IGSF21: variants seen among roughly 807,000 people sequenced by gnomAD.
The protein encoded by IGSF21 is immunoglobulin superfamily member 21.
IGSF21 carries 28 observed loss-of-function variants against 46.8 expected under a neutral mutation model. The ratio of observed to expected loss-of-function variants is 0.60; its 90% confidence interval spans 0.44 to 0.82. IGSF21 has a LOEUF of 0.82. IGSF21 is among the 40% of genes least tolerant of loss of function. The probability of loss-of-function intolerance (pLI) is 0.00; values close to 1 mark genes in which losing one functional copy is unlikely to be tolerated. For synonymous variants in IGSF21, 284 were observed against 273.6 expected, an observed-to-expected ratio of 1.04 and a Z score of -0.38; for missense variants, 624 against 665.5, an observed-to-expected ratio of 0.94 and a Z score of 0.69.
chr1:18,303,765 T>C (rs1209490069), intron 3 of IGSF21, among the ~76,000 whole-genome samples: 1 of 152,112 alleles, frequency 6.6e-6, no homozygotes, highest in East Asian at 1.9e-4. Context: ...AGGGCTATGC[T>C]AGCAACACAG....
At chr1:18,348,405 C>T (rs577515083) in intron 4 of IGSF21, among the ~76,000 whole-genome samples, 1 of 152,328 alleles carries the variant, frequency 6.6e-6, no homozygotes, top group South Asian at 2.1e-4. Context: ...CAGCTTCAGC[C>T]TCCCAGGCCC....
chr1:18,212,618 T>C (rs924216829), intron 1 of IGSF21, among the ~76,000 whole-genome samples: 1 of 152,210 alleles, frequency 6.6e-6, no homozygotes, highest in Non-Finnish European at 1.5e-5. Flanking sequence ...CTGCTTTCTT[T>C]TCTTCCTGCC....
At chr1:18,299,304 A>G (rs952226053) in intron 3 of IGSF21, among the ~76,000 whole-genome samples, 1 of 152,270 alleles carries the variant, frequency 6.6e-6, no homozygotes, top group Non-Finnish European at 1.5e-5. Context: ...ATTTTTAAAT[A>G]GGCACATTAA....
chr1:18,257,023 A>G (rs899710636), intron 2 of IGSF21, among the ~76,000 whole-genome samples: 1 of 152,114 alleles, frequency 6.6e-6, no homozygotes, highest in African/African-American at 2.4e-5. Context: ...CCTCTTGGTA[A>G]TATTGGATTA....
At chr1:18,356,317 C>T (rs144574484) in intron 4 of IGSF21, among the ~76,000 whole-genome samples, 171 of 152,286 alleles carry the variant, frequency 1.1e-3, no homozygotes, top group Non-Finnish European at 1.3e-3. Flanking sequence ...TGCACTGCCA[C>T]AGGCATTTCA....
At chr1:18,116,810 T>C (rs2086193389) in intron 1 of IGSF21, among the ~76,000 whole-genome samples, 1 of 152,242 alleles carries the variant, frequency 6.6e-6, no homozygotes, top group Admixed American at 6.5e-5. Context: ...AGGAAGGCTC[T>C]GAAGGATTGA....
chr1:18,174,258 C>T (rs1443034802), intron 1 of IGSF21, among the ~76,000 whole-genome samples: 2 of 152,178 alleles, frequency 1.3e-5, no homozygotes, highest in African/African-American at 4.8e-5. Context: ...AGAGAGCTTG[C>T]ACCCCACCCC....
At chr1:18,189,996 A>G (rs893137767) in intron 1 of IGSF21, among the ~76,000 whole-genome samples, 1 of 152,252 alleles carries the variant, frequency 6.6e-6, no homozygotes, top group Non-Finnish European at 1.5e-5. Flanking sequence ...GTACCAGTCC[A>G]TGGCCTGGGG....
intron 1 of IGSF21, among the ~76,000 whole-genome samples, chr1:18,154,529 C>T (rs974342454): frequency 1.3e-5 from 2 of 151,912 alleles, no homozygotes; most frequent in Admixed American, 6.6e-5. Context: ...GAGAAGCTCA[C>T]ATGTCCCCAG....
In IGSF21 at chr1:18,143,221, T is replaced by C. The variant is rs535584368; in HGVS notation, c.70+35023T>C. ...GGAGTGCAGCCGTGATTTAATCTCA[T>C]TGGGCCCTTCTGTCGGGCCTGGGCT... On this transcript the variant is annotated intron_variant, in intron 1 of 9. Transcript: ENST00000251296. Among the ~76,000 whole-genome samples the C allele has an allele frequency of 1.1e-4, 17 of 152,280 alleles. 1 individual carries two copies. The South Asian group carries it at 3.1e-3, about 28-fold the overall frequency.
chr1:18,361,917 A>T, intron 4 of IGSF21, 198 bp from the exon 5 acceptor site: 1 of 571,814 alleles, frequency 1.7e-6, no homozygotes, highest in Non-Finnish European at 3.1e-6. Context: ...CCAGGAGGGG[A>T]GGGCTCTTGT....
intron 1 of IGSF21, among the ~76,000 whole-genome samples, chr1:18,219,962 G>A (rs1169792043): frequency 6.6e-6 from 1 of 152,218 alleles, no homozygotes; most frequent in Non-Finnish European, 1.5e-5. Context: ...AAGCCAGGAA[G>A]ATAGGACAAA....
chr1:18,187,588 A>G (rs2086916074), intron 1 of IGSF21, among the ~76,000 whole-genome samples: 2 of 152,352 alleles, frequency 1.3e-5, no homozygotes, highest in South Asian at 2.1e-4. Context: ...CGATCCAATT[A>G]TCTCCCACTG....
At chr1:18,123,655 C>A (rs977786582) in intron 1 of IGSF21, among the ~76,000 whole-genome samples, 3 of 151,968 alleles carry the variant, frequency 2.0e-5, no homozygotes, top group African/African-American at 7.3e-5. Flanking sequence ...ATGACTGGGT[C>A]TTGAAGGATG....
At chr1:18,197,658 C>A (rs917481039) in intron 1 of IGSF21, among the ~76,000 whole-genome samples, 1 of 152,228 alleles carries the variant, frequency 6.6e-6, no homozygotes, top group Non-Finnish European at 1.5e-5. Flanking sequence ...AATCCAGGCT[C>A]TGGAGGCAGC....
intron 3 of IGSF21, among the ~76,000 whole-genome samples, chr1:18,327,191 C>T (rs1364296418): frequency 6.6e-6 from 1 of 152,104 alleles, no homozygotes; most frequent in Non-Finnish European, 1.5e-5. Flanking sequence ...AAATTGACAG[C>T]AACACTTAGA....
At chr1:18,187,339 G>A (rs1413355054) in intron 1 of IGSF21, among the ~76,000 whole-genome samples, 1 of 152,122 alleles carries the variant, frequency 6.6e-6, no homozygotes, top group Non-Finnish European at 1.5e-5. Flanking sequence ...TTTTCACTCT[G>A]CTGATAAAGA....
chr1:18,253,224 A>G (rs1266310341), intron 2 of IGSF21, among the ~76,000 whole-genome samples: 5 of 128,354 alleles, frequency 3.9e-5, no homozygotes. Context: ...AAGATACACT[A>G]TGCATCCTTG....
Position 18,227,077 on chromosome 1 carries a change from G to A in IGSF21, c.71-821G>A, listed in dbSNP as rs150743900. 5.1e-3 allele frequency among the ~76,000 whole-genome samples: 772 copies of A among 152,308 alleles called. 7 individuals are homozygous for A. Among genetic ancestry groups the A allele is most frequent in the African/African-American group, 0.017 (690 of 41,556 alleles). ...TCCCAGGGGCAGCTGGTAGTAGTCC[G>A]GGAAGCATCACCTGGTGTTTGCAAT... On this transcript the variant is annotated intron_variant, in intron 1 of 9. Coordinates refer to ENST00000251296, the MANE Select transcript of IGSF21 (RefSeq NM_032880.5).
Sources: allele counts gnomAD v4.1 joint callset (sites outside exome capture counted in the v4.1 genomes callset), GRCh38; gene constraint gnomAD v4.1.1; transcripts MANE v1.5; gene names NCBI Gene and HGNC (gene_info 2026-07-23, HGNC 2026-07-21).